The following DIAPH1 variants were observed in gnomAD, a reference collection of about 807,000 sequenced individuals.
DIAPH1 encodes diaphanous related formin 1.
In DIAPH1, 46 loss-of-function variants were observed where a neutral mutation model predicts 140.7. The observed-to-expected ratio is 0.33, with a 90% confidence interval of 0.26 to 0.42. The LOEUF (loss-of-function observed/expected upper bound fraction) is 0.42, where lower values mean the gene tolerates loss of function less well. DIAPH1 is among the 10% of genes least tolerant of loss of function. The probability of loss-of-function intolerance (pLI) is 1.00; values close to 1 mark genes in which losing one functional copy is unlikely to be tolerated. For missense variants in DIAPH1, 1,310 were observed against 1,558.7 expected (o/e 0.84, Z 2.69); for synonymous variants, 565 against 551.6 (o/e 1.02, Z -0.34).
At chr5:141,562,615 AAAAACAAAC>A (rs2099893750) in intron 18 of DIAPH1, among the ~76,000 whole-genome samples, 1 of 136,518 alleles carries the variant, frequency 7.3e-6, no homozygotes, top group Non-Finnish European at 1.6e-5. Flanking sequence ...GCAAAAAAAA[AAAAACAAAC>A]AAAAAAAAAC....
intron 18 of DIAPH1, among the ~76,000 whole-genome samples, chr5:141,545,112 C>A (rs72790094): frequency 0.05 from 7,655 of 152,178 alleles, 268 homozygotes; most frequent in African/African-American, 0.094. Flanking sequence ...GAAAAAGACA[C>A]AACTGTCAGA....
At chr5:141,520,518 A>C (rs1006156409) in intron 27 of DIAPH1, among the ~76,000 whole-genome samples, 1 of 152,154 alleles carries the variant, frequency 6.6e-6, no homozygotes, top group African/African-American at 2.4e-5. Context: ...GCCTTGTGAT[A>C]CACCTTCTCC....
intron 1 of DIAPH1, among the ~76,000 whole-genome samples, chr5:141,615,437 G>GAAAAA (rs1013629826): frequency 2.2e-4 from 10 of 46,320 alleles, no homozygotes; most frequent in African/African-American, 3.3e-4. Context: ...CTCAGAAAAA[G>GAAAAA]AAAAAAAAAA....
At chr5:141,563,385 T>C (rs1341595612) in intron 18 of DIAPH1, 1 of 152,210 alleles carries the variant, frequency 6.6e-6, no homozygotes, top group African/African-American at 2.4e-5. Flanking sequence ...CCTATTCAGA[T>C]ACAGATACCA....
rs761110996 is a variant in DIAPH1 at position 141,526,480 on chromosome 5, G to GGACCAA, written c.3274-25_3274-20dup. On this transcript the variant is annotated intron_variant, in intron 24 of 27. Transcript: ENST00000389054. ...CAAAGCTGTGCAGCCAAGGAGTAAAGGACCAAGACCAAGACCAAGAAGCAG... is the reference window on the plus strand; with the variant it reads ...CAAAGCTGTGCAGCCAAGGAGTAAAGGACCAAGACCAAGACCAAGACCAAGAAGCAG... 6.7e-5 allele frequency: 108 copies of GGACCAA among 1,613,964 alleles called. No individual in the cohort carries two copies. Among genetic ancestry groups the GGACCAA allele is most frequent in the African/African-American group, 2.5e-4 (19 of 74,962 alleles).
intron 6 of DIAPH1, 88 bp downstream of exon 6, chr5:141,583,118 A>G (rs1169779560): frequency 1.7e-6 from 2 of 1,184,104 alleles, no homozygotes; most frequent in African/African-American, 1.5e-5. Flanking sequence ...ACAACTTTAC[A>G]TTTAACTGCT....
intron 1 of DIAPH1, among the ~76,000 whole-genome samples, chr5:141,591,672 G>A (rs2099898430): frequency 9.4e-6 from 1 of 105,824 alleles, no homozygotes; most frequent in Non-Finnish European, 1.9e-5. Context: ...CCTTTAGATG[G>A]AAAAGGAAGG....
Position 141,527,698 on chromosome 5 carries a change from C to G in DIAPH1, c.3149-1G>C. On this transcript the variant is annotated splice_acceptor_variant, in intron 23 of 27. Coordinates refer to ENST00000389054, the MANE Select transcript of DIAPH1 (RefSeq NM_005219.5). LOFTEE classifies it high-confidence loss of function. ...TTCTTTTGCAAGTTTTCAGCAGAAACTAAAAAAAAAAAAAAAAAAAAAAAC... is the reference window on the plus strand; with the variant it reads ...TTCTTTTGCAAGTTTTCAGCAGAAAGTAAAAAAAAAAAAAAAAAAAAAAAC... 1 of 371,294 alleles carries G rather than the reference C, an allele frequency of 2.7e-6. No homozygotes were observed. Among genetic ancestry groups the G allele is most frequent in the South Asian group, 6.5e-5 (1 of 15,304 alleles). 23.0% of individuals were successfully genotyped at this position (371,294 alleles called of 1,614,324 possible). A position where few individuals can be genotyped will look rare whatever the true frequency, so the allele number is the denominator to read the frequency against.
chr5:141,558,212 C>G (rs1485616093), intron 18 of DIAPH1: 1 of 152,138 alleles, frequency 6.6e-6, no homozygotes. Context: ...TCTCTAAAGA[C>G]AAAGGGCACA....
intron 19 of DIAPH1, among the ~76,000 whole-genome samples, chr5:141,530,059 G>A (rs1465223134): frequency 6.6e-6 from 1 of 152,118 alleles, no homozygotes; most frequent in Admixed American, 6.5e-5. Flanking sequence ...ACTCCAGCCT[G>A]AGCAACAGAG....
At chr5:141,609,229 C>CT (rs1329210297) in intron 1 of DIAPH1, among the ~76,000 whole-genome samples, 1 of 144,016 alleles carries the variant, frequency 6.9e-6, no homozygotes, top group East Asian at 2.2e-4. Context: ...AAGCCTAGTA[C>CT]TTTTTTCCTG....
At chr5:141,528,095 G>A (rs1029837508) in intron 23 of DIAPH1, among the ~76,000 whole-genome samples, 2 of 152,190 alleles carry the variant, frequency 1.3e-5, no homozygotes, top group African/African-American at 4.8e-5. Context: ...CCAATTTCCA[G>A]TGAATGCTGC....
intron 7 of DIAPH1, among the ~76,000 whole-genome samples, chr5:141,581,672 C>T (rs2099896768): frequency 6.6e-6 from 1 of 152,040 alleles, no homozygotes; most frequent in Admixed American, 6.6e-5. Flanking sequence ...AATGGAGCAA[C>T]AGTCTAGAAG....
intron 1 of DIAPH1, among the ~76,000 whole-genome samples, chr5:141,599,528 G>A (rs374105372): frequency 9.9e-5 from 15 of 152,282 alleles, no homozygotes; most frequent in African/African-American, 3.6e-4. Context: ...TTGGCTCACT[G>A]CAACCTCCAC....
chr5:141,518,575 T>G (rs1596331843), intron 27 of DIAPH1: 1 of 181,886 alleles, frequency 5.5e-6, no homozygotes. Context: ...CAGGCTGGAG[T>G]GCAGCAGCGC....
At chr5:141,564,880 T>G (rs1482844075) in intron 18 of DIAPH1, 4 of 152,236 alleles carry the variant, frequency 2.6e-5, no homozygotes, top group African/African-American at 4.8e-5. Flanking sequence ...GGTGCAATCT[T>G]ATTAGTGGTC....
chr5:141,533,619 G>A (rs1037767451), intron 19 of DIAPH1, among the ~76,000 whole-genome samples: 1 of 152,068 alleles, frequency 6.6e-6, no homozygotes, highest in Non-Finnish European at 1.5e-5. Flanking sequence ...GGCTGAGGTG[G>A]GCAGATCACT....
intron 26 of DIAPH1, among the ~76,000 whole-genome samples, chr5:141,525,291 CAGA>C (rs1234880731): frequency 3.3e-5 from 5 of 152,068 alleles, no homozygotes; most frequent in East Asian, 1.9e-4. Context: ...TCTTCATTTG[CAGA>C]AGGTTTGTGG....
chr5:141,567,316 G>A (rs2099894530), intron 18 of DIAPH1, among the ~76,000 whole-genome samples: 1 of 152,136 alleles, frequency 6.6e-6, no homozygotes, highest in South Asian at 2.1e-4. Context: ...CCTGGAGGAG[G>A]TATGGTACTT....
Sources: allele counts gnomAD v4.1 joint callset (sites outside exome capture counted in the v4.1 genomes callset), GRCh38; gene constraint gnomAD v4.1.1; transcripts MANE v1.5; gene names NCBI Gene and HGNC (gene_info 2026-07-23, HGNC 2026-07-21).